TNR: variants seen among roughly 807,000 people sequenced by gnomAD.
TNR encodes the protein tenascin-R.
A neutral mutation model predicts 150.4 loss-of-function variants in TNR; 45 were observed. That is an observed-to-expected ratio of 0.30 (90% CI 0.24 to 0.38). The LOEUF (loss-of-function observed/expected upper bound fraction) is 0.38, where lower values mean the gene tolerates loss of function less well. Among genes scored for constraint, TNR ranks in the 10% least tolerant of loss-of-function variants. The pLI, the probability that TNR is intolerant of heterozygous loss-of-function variation, is 1.00. For synonymous variants in TNR, 687 were observed against 678.4 expected (o/e 1.01, Z -0.20); for missense variants, 1,544 against 1,759.1 (o/e 0.88, Z 2.19).
chr1:175,330,191 G>T lies in TNR; in HGVS notation c.3676C>A (p.Leu1226Met). The change falls in exon 21 of 23, where the codon CTG becomes ATG. Residue 1226 changes from leucine (L) to methionine (M), a missense_variant. Around this residue, in one of 2 missense-constraint regions of TNR, gnomAD observed 290 missense variants for 429.7 expected, o/e 0.67. Transcript: ENST00000367674. ...HRITSQGRYE[L>M]RVDMRDGQEA... is the part of the protein sequence containing the mutation. ...TGGCCATCCCGCATGTCCACGCGCA[G>T]CTCATAGCGGCCCTGGGATGTGATC... The T allele has an allele frequency of 6.2e-7, 1 of 1,611,942 alleles. No individual in the cohort carries two copies. Among genetic ancestry groups the T allele is most frequent in the Non-Finnish European group, 8.5e-7 (1 of 1,178,348 alleles).
chr1:175,563,838 A>G (rs1352365020), intron 1 of TNR, among the ~76,000 whole-genome samples: 2 of 152,316 alleles, frequency 1.3e-5, no homozygotes, highest in Admixed American at 6.5e-5. Context: ...CCTTTCTGAC[A>G]TGTTGGCTGG....
At chr1:175,461,394 A>T (rs764993273) in intron 2 of TNR, among the ~76,000 whole-genome samples, 1 of 152,178 alleles carries the variant, frequency 6.6e-6, no homozygotes, top group African/African-American at 2.4e-5. Context: ...GATTTAAGAA[A>T]TCACTCCAAG....
intron 2 of TNR, among the ~76,000 whole-genome samples, chr1:175,514,145 A>C (rs2102162220): frequency 6.6e-6 from 1 of 152,358 alleles, no homozygotes; most frequent in South Asian, 2.1e-4. Flanking sequence ...GCTGACCTTA[A>C]AATAGGGAGA....
chr1:175,471,361 G>A (rs764182314), intron 2 of TNR, among the ~76,000 whole-genome samples: 28 of 152,152 alleles, frequency 1.8e-4, no homozygotes, highest in East Asian at 3.8e-4. Flanking sequence ...GAAATGTGTC[G>A]TTAGTCGACT....
intron 21 of TNR, among the ~76,000 whole-genome samples, chr1:175,327,146 C>A (rs773404013): frequency 1.5e-4 from 23 of 152,234 alleles, no homozygotes; most frequent in Non-Finnish European, 3.1e-4. Context: ...CCTCTGTCAT[C>A]TAGAATTTGT....
chr1:175,728,958 G>GT (rs1470398097), intron 1 of TNR, among the ~76,000 whole-genome samples: 1 of 152,164 alleles, frequency 6.6e-6, no homozygotes, highest in Admixed American at 6.5e-5. Flanking sequence ...TGAAGCCGGG[G>GT]TCTGAAGTCA....
At chr1:175,347,813 T>C (rs901589337) in intron 18 of TNR, among the ~76,000 whole-genome samples, 23 of 152,308 alleles carry the variant, frequency 1.5e-4, no homozygotes, top group Non-Finnish European at 2.5e-4. Context: ...TGCAACATGA[T>C]AATGCTTTAG....
chr1:175,427,888 C>CCCTTCCTTCCTTCCTTCCTT (rs765901559), intron 2 of TNR, among the ~76,000 whole-genome samples: 8 of 63,370 alleles, frequency 1.3e-4, no homozygotes, highest in African/African-American at 6.0e-4. Context: ...CTCCCTTCTT[C>CCCTTCCTTCCTTCCTTCCTT]GCTTCCTTCC....
At chr1:175,421,788 C>G (rs75205943) in intron 2 of TNR, among the ~76,000 whole-genome samples, 1 of 152,190 alleles carries the variant, frequency 6.6e-6, no homozygotes, top group African/African-American at 2.4e-5. Flanking sequence ...AGGGAACATA[C>G]CCACCAGCTT....
intron 2 of TNR, among the ~76,000 whole-genome samples, chr1:175,469,060 C>T (rs990693390): frequency 1.3e-5 from 2 of 152,042 alleles, no homozygotes; most frequent in Non-Finnish European, 2.9e-5. Flanking sequence ...GAGATTGCCA[C>T]CTAACCAAGA....
At chr1:175,352,168 G>T (rs1036710374) in intron 18 of TNR, among the ~76,000 whole-genome samples, 7 of 152,198 alleles carry the variant, frequency 4.6e-5, no homozygotes, top group Non-Finnish European at 4.4e-5. Flanking sequence ...GGGCACAGAA[G>T]CTGGTTTGCT....
At chr1:175,340,756 T>C (rs1484472702) in intron 18 of TNR, among the ~76,000 whole-genome samples, 3 of 152,216 alleles carry the variant, frequency 2.0e-5, no homozygotes, top group Non-Finnish European at 4.4e-5. Flanking sequence ...GAAGTGGAAT[T>C]GGTAAACTAA....
chr1:175,393,707 T>C, intron 6 of TNR, 73 bp downstream of exon 6: 1 of 1,243,150 alleles, frequency 8.0e-7, no homozygotes, highest in South Asian at 1.2e-5. Context: ...CTTTCCTTGC[T>C]GCCCCTGATT....
intron 1 of TNR, among the ~76,000 whole-genome samples, chr1:175,716,448 C>T (rs1411826533): frequency 6.6e-6 from 1 of 152,158 alleles, no homozygotes; most frequent in African/African-American, 2.4e-5. Context: ...GTTGTCATGG[C>T]TTGTAAGTTC....
chr1:175,403,498 C>T lies in TNR; in HGVS notation c.618G>A (p.Leu206=), dbSNP rs759423887. The T allele has an allele frequency of 1.2e-4, 191 of 1,614,100 alleles. No individual in the cohort carries two copies. Among genetic ancestry groups the T allele is most frequent in the Non-Finnish European group, 1.6e-4 (187 of 1,180,054 alleles). The change falls in exon 4 of 23, where the codon CTG becomes CTA. Residue 206 remains leucine (L), a synonymous_variant. Transcript: ENST00000367674. ...GKNCSEPYCP[L]GCSSRGVCVD... ...CACACACCCCCCGGCTGGAGCAACC[C>T]AGCGGGCAGTAGGGCTCCGAGCAAT...
At chr1:175,691,150 G>A (rs1424486083) in intron 1 of TNR, among the ~76,000 whole-genome samples, 1 of 96,820 alleles carries the variant, frequency 1.0e-5, no homozygotes, top group Non-Finnish European at 2.2e-5. Flanking sequence ...AGGGTGTCCA[G>A]TCCTATCCAC....
intron 2 of TNR, among the ~76,000 whole-genome samples, chr1:175,486,327 C>T (rs145613999): frequency 0.022 from 3,313 of 151,708 alleles, 59 homozygotes; most frequent in Non-Finnish European, 0.033. Context: ...TCCCTGTGTC[C>T]GTGTGTTCTC....
At chr1:175,686,649 C>A (rs1666210760) in intron 1 of TNR, among the ~76,000 whole-genome samples, 1 of 152,144 alleles carries the variant, frequency 6.6e-6, no homozygotes, top group Admixed American at 6.5e-5. Context: ...CCTCCATCCC[C>A]CTCTTTTGGA....
At chr1:175,577,788 G>A (rs1490230097) in intron 1 of TNR, among the ~76,000 whole-genome samples, 4 of 152,186 alleles carry the variant, frequency 2.6e-5, no homozygotes, top group South Asian at 4.1e-4. Flanking sequence ...AGCAGCACGA[G>A]GAGGGAAATC....
Sources: allele counts gnomAD v4.1 joint callset (sites outside exome capture counted in the v4.1 genomes callset), GRCh38; gene constraint gnomAD v4.1.1; regional missense constraint gnomAD v4.1.1; transcripts MANE v1.5; gene names NCBI Gene and HGNC (gene_info 2026-07-23, HGNC 2026-07-21).